PARD3: variants seen among roughly 807,000 people sequenced by gnomAD.
PARD3 encodes partitioning defective 3 homolog.
PARD3 carries 75 observed loss-of-function variants against 155.4 expected under a neutral mutation model. That is an observed-to-expected ratio of 0.48 (90% CI 0.40 to 0.58). The LOEUF (loss-of-function observed/expected upper bound fraction) is 0.58. Among genes scored for constraint, PARD3 ranks in the 20% least tolerant of loss-of-function variants. The pLI is 0.00. For synonymous variants in PARD3, 576 were observed against 610.5 expected (o/e 0.94, Z 0.83); for missense variants, 1,642 against 1,721.7 (o/e 0.95, Z 0.82).
chr10:34,411,628 G>C (rs191819880), intron 5 of PARD3, among the ~76,000 whole-genome samples: 1 of 152,090 alleles, frequency 6.6e-6, no homozygotes, highest in African/African-American at 2.4e-5. Flanking sequence ...TGGGGGTCCT[G>C]CTTGGTGACT....
intron 4 of PARD3, among the ~76,000 whole-genome samples, chr10:34,455,687 G>T (rs763754470): frequency 1.3e-5 from 2 of 152,084 alleles, no homozygotes; most frequent in Non-Finnish European, 1.5e-5. Context: ...AATTTTGGCA[G>T]TTCCTATTGG....
At chr10:34,252,340 C>G (rs1348392624) in intron 22 of PARD3, among the ~76,000 whole-genome samples, 2 of 152,124 alleles carry the variant, frequency 1.3e-5, no homozygotes, top group Non-Finnish European at 2.9e-5. Context: ...AGGACTGAGG[C>G]TCCTGTGACG....
intron 1 of PARD3, among the ~76,000 whole-genome samples, chr10:34,770,384 C>T (rs184501152): frequency 6.9e-6 from 1 of 145,268 alleles, no homozygotes; most frequent in African/African-American, 2.9e-5. Context: ...CTCGAGCCCT[C>T]GGCTAGCCTG....
At chr10:34,701,336 T>TTGTTGTTGTTGC (rs1564524676) in intron 1 of PARD3, among the ~76,000 whole-genome samples, 1 of 72,424 alleles carries the variant, frequency 1.4e-5, no homozygotes, top group Non-Finnish European at 3.1e-5. Flanking sequence ...CGCGGGGATG[T>TTGTTGTTGTTGC]TGTTGTTGTT....
intron 22 of PARD3, among the ~76,000 whole-genome samples, chr10:34,221,914 C>T (rs915104630): frequency 1.3e-5 from 2 of 152,194 alleles, no homozygotes; most frequent in African/African-American, 4.8e-5. Context: ...AGTGATTCTA[C>T]ATACCAGCTA....
rs1840497734 is a variant in PARD3, at chr10:34,370,730, C to T, written c.1707+1768G>A. Among the ~76,000 whole-genome samples the T allele has an allele frequency of 3.9e-5, 6 of 151,958 alleles. 1 individual carries two copies. In the South Asian group the frequency reaches 1.2e-3, roughly 32 times the overall value. Reference sequence around the variant, plus strand: ...CCTAAACCATAAAGGAATAGCTCTTCCCCTAAGGATCACATTGTAAATACT... The same window carrying T: ...CCTAAACCATAAAGGAATAGCTCTTTCCCTAAGGATCACATTGTAAATACT... On this transcript the variant is annotated intron_variant, in intron 12 of 24. Transcript: ENST00000374788.
intron 2 of PARD3, among the ~76,000 whole-genome samples, chr10:34,629,646 C>A (rs1445696316): frequency 3.5e-4 from 53 of 152,306 alleles, no homozygotes; most frequent in Non-Finnish European, 2.9e-5. Context: ...TATTGCACTG[C>A]ATTATTTGAG....
chr10:34,627,453 A>G (rs2092037578), intron 2 of PARD3, among the ~76,000 whole-genome samples: 1 of 152,232 alleles, frequency 6.6e-6, no homozygotes, highest in Non-Finnish European at 1.5e-5. Context: ...TAATTAAGTT[A>G]AAATGAGGTC....
Position 34,395,196 on chromosome 10 carries a change from A to G in PARD3, c.890+4134T>C, listed in dbSNP as rs1019214954. Among the ~76,000 whole-genome samples the G allele has an allele frequency of 2.0e-5, 3 of 152,004 alleles. No individual in the cohort carries two copies. The South Asian group carries it at 6.2e-4, about 32-fold the overall frequency. ...ATTACAGGCACCTGCCACAATGCCC[A>G]GCTAATTTTTGTATTTTTCATAGAG... On this transcript the variant is annotated intron_variant, in intron 7 of 24. Coordinates refer to ENST00000374788, the MANE Select transcript of PARD3 (RefSeq NM_001184785.2).
At chr10:34,731,279 GAT>G (rs939671748) in intron 1 of PARD3, among the ~76,000 whole-genome samples, 6 of 152,288 alleles carry the variant, frequency 3.9e-5, no homozygotes, top group African/African-American at 1.4e-4. Flanking sequence ...AATGTATTCT[GAT>G]ATGAGACCCT....
At chr10:34,326,125 T>TAAA (rs979390862) in intron 19 of PARD3, among the ~76,000 whole-genome samples, 1,229 of 108,858 alleles carry the variant, frequency 0.011, 22 homozygotes, top group African/African-American at 0.039. Context: ...ACACTCTTTC[T>TAAA]AAAAAAAAAA....
intron 22 of PARD3, among the ~76,000 whole-genome samples, chr10:34,183,266 C>T (rs570551872): frequency 4.6e-5 from 7 of 152,310 alleles, no homozygotes; most frequent in South Asian, 4.1e-4. Flanking sequence ...CTTGCTCTGT[C>T]GCCCAGACTG....
chr10:34,657,276 T>C (rs2093197979), intron 2 of PARD3, among the ~76,000 whole-genome samples: 1 of 152,160 alleles, frequency 6.6e-6, no homozygotes, highest in South Asian at 2.1e-4. Context: ...CATGCACACT[T>C]TCAAACATTT....
At chr10:34,480,598 T>C (rs1165922462) in intron 3 of PARD3, among the ~76,000 whole-genome samples, 5 of 152,094 alleles carry the variant, frequency 3.3e-5, no homozygotes, top group Non-Finnish European at 5.9e-5. Flanking sequence ...ATTGACTCTA[T>C]TCATTTTTAC....
intron 22 of PARD3, among the ~76,000 whole-genome samples, chr10:34,175,893 A>G (rs886440835): frequency 6.6e-6 from 1 of 152,206 alleles, no homozygotes; most frequent in Non-Finnish European, 1.5e-5. Context: ...TTACGTTCCT[A>G]AGCTACCTGC....
chr10:34,810,080 G>C (rs1281252516), intron 1 of PARD3, among the ~76,000 whole-genome samples: 1 of 152,032 alleles, frequency 6.6e-6, no homozygotes, highest in Non-Finnish European at 1.5e-5. Context: ...TTCTGTCCAT[G>C]AGCTCAACTT....
chr10:34,245,125 C>T (rs1318360515), intron 22 of PARD3, among the ~76,000 whole-genome samples: 1 of 152,106 alleles, frequency 6.6e-6, no homozygotes, highest in Non-Finnish European at 1.5e-5. Flanking sequence ...TTTAGACACC[C>T]AAGGAAGTCT....
chr10:34,166,187 GAGCTTGGTGTGTTCCAA>G (rs1274102829), intron 22 of PARD3, among the ~76,000 whole-genome samples: 10 of 152,158 alleles, frequency 6.6e-5, no homozygotes, highest in Non-Finnish European at 1.5e-4. Flanking sequence ...TTTAGCAATA[GAGCTTGGTGTGTTCCAA>G]AGCATGGACT....
intron 2 of PARD3, among the ~76,000 whole-genome samples, chr10:34,635,134 A>G (rs1193640020): frequency 6.6e-6 from 1 of 152,372 alleles, no homozygotes; most frequent in South Asian, 2.1e-4. Context: ...GACATTTTCA[A>G]AGGAGGAGGA....
Sources: gnomAD v4.1 joint callset for allele counts (sites outside exome capture counted in the v4.1 genomes callset) on GRCh38, gnomAD v4.1.1 for gene constraint, MANE v1.5 for transcripts, NCBI Gene and HGNC (gene_info 2026-07-23, HGNC 2026-07-21) for gene names.